Variants in BRD3 observed in about 807,000 individuals in gnomAD.
The protein encoded by BRD3 is bromodomain containing 3, also known as bromodomain-containing protein 3.
BRD3 carries 17 observed loss-of-function variants against 66.8 expected under a neutral mutation model. The ratio of observed to expected loss-of-function variants is 0.25; its 90% CI spans 0.17 to 0.38. The LOEUF is 0.38. Ranked by LOEUF, BRD3 falls within the 10% of genes least tolerant of loss-of-function variation. BRD3 has a pLI of 1.00. For missense variants in BRD3, 713 were observed against 956.1 expected, an observed-to-expected ratio of 0.75 and a Z score of 3.35; for synonymous variants, 421 against 393.2, an observed-to-expected ratio of 1.07 and a Z score of -0.84.
At chr9:134,036,620 A>C in intron 9 of BRD3, 2 of 1,519,394 alleles carry the variant, frequency 1.3e-6, no homozygotes, top group Non-Finnish European at 1.8e-6. Context: ...AAAGAAGGCA[A>C]AAAAGGGGGA....
At chr9:134,067,623 A>C (rs1830695203) in intron 1 of BRD3, among the ~76,000 whole-genome samples, 1 of 143,152 alleles carries the variant, frequency 7.0e-6, no homozygotes, top group Non-Finnish European at 1.5e-5. Flanking sequence ...GGCCGCGCCA[A>C]CTCCGGGCTG....
chr9:134,068,496 G>A (rs1316497939), upstream of BRD3: 4 of 150,492 alleles, frequency 2.7e-5, no homozygotes, highest in African/African-American at 9.7e-5. Flanking sequence ...CCTGCCGGGA[G>A]CCCGTGTTTG....
chr9:134,051,656 T>C lies in BRD3; in HGVS notation c.405A>G (p.Gln135=), dbSNP rs755206852. ...MAQALEKIFL[Q]KVAQMPQEEV... ...CCTCTTGGGGCATCTGGGCCACTTT[T>C]TGTAGAAAAATTTTCTCTAAAGCTT... Residue 135 remains glutamine (Q), a synonymous_variant, in exon 4 of 12, where the codon CAA becomes CAG. Transcript: ENST00000303407. The C allele has an allele frequency of 1.9e-6, 3 of 1,590,456 alleles. No homozygotes were observed. The South Asian group carries it at 3.5e-5, about 18-fold the overall frequency.
intron 1 of BRD3, among the ~76,000 whole-genome samples, chr9:134,065,624 G>C (rs1830634721): frequency 1.3e-5 from 2 of 152,166 alleles, no homozygotes; most frequent in South Asian, 4.1e-4. Context: ...GGGAAGAGTA[G>C]GCCCCGGTTC....
chr9:134,056,499 G>A (rs1830428806), intron 1 of BRD3, among the ~76,000 whole-genome samples: 1 of 152,206 alleles, frequency 6.6e-6, no homozygotes. Flanking sequence ...ACAACACGAT[G>A]CCATGATAAG....
rs1211196549 is a variant in BRD3 at position 134,036,284 on chromosome 9, C to T, written c.1684G>A (p.Asp562Asn). Residue 562 changes from aspartate to asparagine, a missense_variant, in exon 10 of 12, where the codon GAC (aspartate) becomes AAC (asparagine). Physicochemically the swap from Asp to Asn is conservative, Grantham distance 23. Around this residue, in one of 5 missense-constraint regions of BRD3, gnomAD observed 418 missense variants for 609.3 expected, o/e 0.69. Coordinates refer to ENST00000303407, the MANE Select transcript of BRD3 (RefSeq NM_007371.4). ...AGGCCCTCCTCCTCTTCCTCTGAGT[C>T]GTAGGAGGCAGATGCCTGCTTGCCG... ...KGGKQASASY[D>N]SEEEEEGLPM... is the part of the protein sequence containing the mutation. 4 of 1,611,590 alleles carry T rather than the reference C, an allele frequency of 2.5e-6. No individual in the cohort carries two copies. The highest frequency in any genetic ancestry group is 1.7e-5 in the Admixed American group (1 of 59,794).
chr9:134,050,606 G>C lies in BRD3; in HGVS notation c.500-18C>G. ...CTGTGTACCTTCAAGACAAGGAAGG[G>C]ATGTTCAACACACCAGGCTCCACTA... On this transcript the variant is annotated intron_variant, in intron 4 of 11. Transcript: ENST00000303407. 3 of 1,588,796 alleles carry C rather than the reference G, an allele frequency of 1.9e-6. No individual in the cohort carries two copies. Among genetic ancestry groups the C allele is most frequent in the Non-Finnish European group, 1.7e-6 (2 of 1,165,416 alleles).
At position 134,039,544 on chromosome 9, in the gene BRD3, G is replaced by A. The variant is rs761743577; in HGVS notation, c.1643+490C>T. Among the ~76,000 whole-genome samples the A allele has an allele frequency of 7.2e-4, 109 of 152,094 alleles. 1 individual carries two copies. Among genetic ancestry groups the A allele is most frequent in the Non-Finnish European group, 1.1e-3 (72 of 68,020 alleles). ...ACCTGGCCAGGAGAGCTCCCATCCCGGGCCTGAGCTCCTTCCCTACTAGCT... is the reference window on the plus strand; with the variant it reads ...ACCTGGCCAGGAGAGCTCCCATCCCAGGCCTGAGCTCCTTCCCTACTAGCT... On this transcript the variant is annotated intron_variant, in intron 9 of 11. Coordinates refer to ENST00000303407, the MANE Select transcript of BRD3 (RefSeq NM_007371.4).
In BRD3 at chr9:134,030,613, C is replaced by A; in HGVS notation, c.*2977G>T. 1 of 225,860 alleles carries A rather than the reference C, an allele frequency of 4.4e-6. No individual in the cohort carries two copies. Among genetic ancestry groups the A allele is most frequent in the Non-Finnish European group, 8.8e-6 (1 of 113,498 alleles). 14.0% of individuals were successfully genotyped at this position (225,860 alleles called of 1,614,324 possible). On this transcript the variant is annotated 3_prime_UTR_variant, in exon 12 of 12. Transcript: ENST00000303407. ...AGAAAAACTTCCTGGAAGCATTATG[C>A]CAGTATTAAGGAACAGTGCTACTCT...
Position 134,034,380 on chromosome 9 carries a change from G to A in BRD3, c.2065+321C>T, listed in dbSNP as rs1318344027. 6 of 280,990 alleles carry A rather than the reference G, an allele frequency of 2.1e-5. No individual in the cohort carries two copies. The East Asian group carries it at 3.6e-4, about 17-fold the overall frequency. The allele number at this position is 280,990 out of a possible 1,614,324, so 17.4% of individuals were successfully genotyped here. A position where few individuals can be genotyped will look rare whatever the true frequency, so the allele number is the denominator to read the frequency against. On this transcript the variant is annotated intron_variant, in intron 11 of 11. Transcript: ENST00000303407. ...GCCAGGGAACAGTCAGAAAGCTCAC[G>A]GTGAGCCCAGCTCACTGGCTGGGCT...
intron 1 of BRD3, 60 bp from the exon 2 acceptor site, chr9:134,053,650 C>T: frequency 1.4e-6 from 2 of 1,411,260 alleles, no homozygotes; most frequent in Non-Finnish European, 1.9e-6. Context: ...CCCCACCTCT[C>T]CCAGCCTCGG....
intron 1 of BRD3, among the ~76,000 whole-genome samples, chr9:134,066,810 G>C (rs1275597351): frequency 6.6e-6 from 1 of 152,324 alleles, no homozygotes; most frequent in East Asian, 1.9e-4. Context: ...AGAAATCCCA[G>C]TATCTATTTC....
chr9:134,056,437 G>A (rs893548376), intron 1 of BRD3, among the ~76,000 whole-genome samples: 5 of 152,156 alleles, frequency 3.3e-5, no homozygotes, highest in African/African-American at 1.2e-4. Flanking sequence ...CACAAACCCT[G>A]CCCTCTGAGA....
At position 134,034,710 on chromosome 9, in the gene BRD3, C is replaced by A. The variant is rs770784423; in HGVS notation, c.2056G>T (p.Ala686Ser). Reference protein sequence around the residue: ...SGQLSSSKKPARKEKPGSAPS... With the variant: ...SGQLSSSKKPSRKEKPGSAPS... ...CGGCCGCCAGCGGTACCTTTCCGGG[C>A]GGGCTTCTTGCTGCTGCTCAGCTGC... Residue 686 changes from alanine to serine, a missense_variant, in exon 11 of 12, where the codon GCC becomes TCC. Transcript: ENST00000303407. 6.2e-7 allele frequency: 1 copy of A among 1,605,116 alleles called. No individual in the cohort carries two copies. Among genetic ancestry groups the A allele is most frequent in the South Asian group, 1.1e-5 (1 of 91,082 alleles).
intron 6 of BRD3, among the ~76,000 whole-genome samples, chr9:134,047,444 C>T (rs1830196572): frequency 2.0e-5 from 3 of 152,190 alleles, no homozygotes; most frequent in South Asian, 4.1e-4. Context: ...TGGCTTGGGG[C>T]GGTGCAGCTC....
intron 9 of BRD3, 133 bp from the exon 10 acceptor site, chr9:134,036,457 A>G (rs1829917118): frequency 1.9e-6 from 3 of 1,577,238 alleles, no homozygotes; most frequent in Non-Finnish European, 8.6e-7. Context: ...TGGTGCCCCA[A>G]GGCAGAAAAT....
rs201775569 is a variant in BRD3, at chr9:134,050,428, A to T, written c.660T>A (p.Pro220=). 1 of 1,609,926 alleles carries T rather than the reference A, an allele frequency of 6.2e-7. No individual in the cohort carries two copies. The highest frequency in any genetic ancestry group is 1.3e-5 in the African/African-American group (1 of 74,882). The change falls in exon 5 of 12, where the codon CCT becomes CCA. Residue 220 remains proline (P), a synonymous_variant. Transcript: ENST00000303407. ...SVPVPPAAAP[P]PPATPIVPVV... The stretch of plus-strand genomic sequence containing the variant: ...CGGGGACGATGGGTGTGGCAGGAGG[A>T]GGTGGGGCGGCAGCTGGGGGGACTG...
chr9:134,034,833 T>G lies in BRD3; in HGVS notation c.1937-4A>C. ...GCCTGTTTCTTCCCGCTTGCTGCTG[T>G]CGGGGAACAAATGGGCACTCAGACT... is the stretch of plus-strand genomic sequence containing the variant. On this transcript the variant is annotated splice_region_variant and splice_polypyrimidine_tract_variant and intron_variant, in intron 10 of 11. Transcript: ENST00000303407. 6.2e-7 allele frequency: 1 copy of G among 1,611,344 alleles called. No individual in the cohort carries two copies. Among genetic ancestry groups the G allele is most frequent in the Non-Finnish European group, 8.5e-7 (1 of 1,180,008 alleles).
intron 8 of BRD3, 67 bp from the exon 9 acceptor site, chr9:134,040,336 C>T: frequency 6.5e-7 from 1 of 1,527,472 alleles, no homozygotes; most frequent in South Asian, 1.2e-5. Context: ...GCGTGGCGCC[C>T]TGGGATTGGA....
Sources: allele counts gnomAD v4.1 joint callset (sites outside exome capture counted in the v4.1 genomes callset), GRCh38; gene constraint gnomAD v4.1.1; regional missense constraint gnomAD v4.1.1; transcripts MANE v1.5; gene names NCBI Gene and HGNC (gene_info 2026-07-23, HGNC 2026-07-21).